SRGAP2B: variants seen among roughly 807,000 people sequenced by gnomAD.
SRGAP2B encodes SLIT-ROBO Rho GTPase-activating protein 2B.
A neutral mutation model predicts 22.2 loss-of-function variants in SRGAP2B; 9 were observed. The observed-to-expected ratio is 0.41, with a 90% CI of 0.24 to 0.71. The LOEUF (loss-of-function observed/expected upper bound fraction) is 0.71. SRGAP2B is among the 30% of genes least tolerant of loss of function. The probability of loss-of-function intolerance (pLI) is 0.35; values close to 1 mark genes in which losing one functional copy is unlikely to be tolerated. For synonymous variants in SRGAP2B, 36 were observed against 87.4 expected, an observed-to-expected ratio of 0.41 and a Z score of 3.28; for missense variants, 114 against 235.8, an observed-to-expected ratio of 0.48 and a Z score of 3.38.
intron 5 of SRGAP2B, among the ~76,000 whole-genome samples, chr1:144,914,219 C>T (rs1245441529): frequency 6.6e-6 from 1 of 151,662 alleles, no homozygotes; most frequent in African/African-American, 2.4e-5. Flanking sequence ...TTACTGGGGG[C>T]ATTTAGGACT....
exon 10 of SRGAP2B, chr1:144,891,719 T>A (rs1188812668): frequency 1.3e-5 from 1 of 78,568 alleles, no homozygotes; most frequent in Non-Finnish European, 2.4e-5. Context: ...GTTTTAGCAA[T>A]AATTAGAAAA....
intron 2 of SRGAP2B, among the ~76,000 whole-genome samples, chr1:145,020,452 AG>A (rs1408231049): frequency 2.8e-5 from 4 of 144,552 alleles, no homozygotes; most frequent in African/African-American, 1.0e-4. Flanking sequence ...AAAAAAAAAA[AG>A]GTAGAAGAAG....
intron 2 of SRGAP2B, among the ~76,000 whole-genome samples, chr1:145,030,721 A>AAAAAAT (rs1553625890): frequency 6.9e-5 from 1 of 14,494 alleles, no homozygotes; most frequent in Non-Finnish European, 1.1e-4. Context: ...AAAAAAAAAA[A>AAAAAAT]ATATATATAT....
In SRGAP2B at chr1:145,012,102, C is replaced by T. The variant is rs1268274224; in HGVS notation, c.68-16902G>A. Among the ~76,000 whole-genome samples, 9 of 149,796 alleles carry T rather than the reference C, an allele frequency of 6.0e-5. No individual in the cohort carries two copies. In the East Asian group the frequency reaches 9.8e-4, roughly 16 times the overall value. On this transcript the variant is annotated intron_variant, in intron 2 of 9. Transcript: ENST00000612199. ...GTGACCACTCCATCTGAAAGTGCCCCGACACTCTCTATGCTCTTACCTCAT... is the reference window on the plus strand; with the variant it reads ...GTGACCACTCCATCTGAAAGTGCCCTGACACTCTCTATGCTCTTACCTCAT...
rs1235759158 is a variant in SRGAP2B, at chr1:144,904,199, G to A, written c.831+892C>T. Among the ~76,000 whole-genome samples the A allele has an allele frequency of 1.9e-4, 29 of 150,324 alleles. 1 individual carries two copies. Among genetic ancestry groups the A allele is most frequent in the Admixed American group, 8.6e-4 (13 of 15,116 alleles). On this transcript the variant is annotated intron_variant, in intron 7 of 9. Transcript: ENST00000612199. ...GCATAACCTTGGACAAGTGAGTCTC[G>A]TAGTCCTCTGGACCTTGAGCTTCCT...
chr1:144,966,636 T>G (rs1400991155), intron 3 of SRGAP2B, among the ~76,000 whole-genome samples: 2 of 146,350 alleles, frequency 1.4e-5, no homozygotes, highest in Non-Finnish European at 2.9e-5. Flanking sequence ...AATTCACACA[T>G]AACAATATTA....
chr1:144,959,341 TA>T (rs1419600414), intron 3 of SRGAP2B, among the ~76,000 whole-genome samples: 2 of 146,848 alleles, frequency 1.4e-5, no homozygotes, highest in African/African-American at 5.2e-5. Flanking sequence ...AAAACAAAAA[TA>T]TCTTCTTTTT....
intron 7 of SRGAP2B, among the ~76,000 whole-genome samples, 177 bp downstream of exon 7, chr1:144,904,914 A>G (rs1275460335): frequency 1.0e-4 from 11 of 107,770 alleles, no homozygotes; most frequent in Admixed American, 8.9e-4. Flanking sequence ...TTAGGATTGA[A>G]TAAGTGTGAA....
rs78807572 is a variant in SRGAP2B, at chr1:145,019,893, G to C, written c.68-24693C>G. On this transcript the variant is annotated intron_variant, in intron 2 of 9. Coordinates refer to ENST00000612199, the Ensembl canonical transcript of SRGAP2B. ...GTCCTTTTCCGCCTCATTCCCACCAGAGCACTCTGCTTCAGCCACAGTGGC... is the reference window on the plus strand; with the variant it reads ...GTCCTTTTCCGCCTCATTCCCACCACAGCACTCTGCTTCAGCCACAGTGGC... Among the ~76,000 whole-genome samples the C allele has an allele frequency of 2.4e-3, 368 of 150,796 alleles. 6 individuals are homozygous for C. Among genetic ancestry groups the C allele is most frequent in the Non-Finnish European group, 3.9e-3 (264 of 67,976 alleles).
chr1:144,925,088 C>T (rs1483944136), intron 4 of SRGAP2B, among the ~76,000 whole-genome samples: 2 of 148,814 alleles, frequency 1.3e-5, no homozygotes, highest in South Asian at 2.1e-4. Flanking sequence ...CTGCAACCTC[C>T]GCCTCCTGGG....
intron 4 of SRGAP2B, among the ~76,000 whole-genome samples, chr1:144,934,404 A>C (rs1665467623): frequency 8.3e-6 from 1 of 119,872 alleles, no homozygotes; most frequent in African/African-American, 3.9e-5. Context: ...ACTCCATCTC[A>C]AAAAAAAAAA....
chr1:145,064,841 T>C (rs1553632070), intron 2 of SRGAP2B, among the ~76,000 whole-genome samples: 1 of 146,802 alleles, frequency 6.8e-6, no homozygotes, highest in African/African-American at 2.6e-5. Flanking sequence ...CCAAACTGGG[T>C]GGCTAAATAG....
chr1:145,015,103 G>C (rs1187363484), intron 2 of SRGAP2B, among the ~76,000 whole-genome samples: 1 of 144,162 alleles, frequency 6.9e-6, no homozygotes, highest in Non-Finnish European at 1.5e-5. Flanking sequence ...TTGAGACAGA[G>C]TCTCACTTGG....
At chr1:144,969,992 A>G (rs1553612950) in intron 3 of SRGAP2B, among the ~76,000 whole-genome samples, 1 of 150,468 alleles carries the variant, frequency 6.6e-6, no homozygotes, top group East Asian at 1.9e-4. Flanking sequence ...AAAAGTCAGG[A>G]AACAACAGGT....
chr1:144,924,715 G>T (rs1482306252), intron 4 of SRGAP2B, among the ~76,000 whole-genome samples: 1 of 143,566 alleles, frequency 7.0e-6, no homozygotes, highest in Non-Finnish European at 1.5e-5. Context: ...CTCGGTGACA[G>T]AGCGAAACTC....
chr1:144,956,974 G>A (rs1450003758), intron 3 of SRGAP2B, among the ~76,000 whole-genome samples: 3 of 150,678 alleles, frequency 2.0e-5, no homozygotes, highest in South Asian at 2.1e-4. Context: ...ACCTGATGAG[G>A]TGGGTGTTAT....
intron 5 of SRGAP2B, among the ~76,000 whole-genome samples, chr1:144,912,078 G>C (rs1663465219): frequency 1.4e-5 from 2 of 147,988 alleles, no homozygotes; most frequent in African/African-American, 5.2e-5. Flanking sequence ...AGCCTCCCCA[G>C]TAGCTGGGAC....
chr1:144,915,552 C>A (rs1663808937), intron 4 of SRGAP2B, among the ~76,000 whole-genome samples: 1 of 149,918 alleles, frequency 6.7e-6, no homozygotes, highest in Non-Finnish European at 1.5e-5. Flanking sequence ...ATAGTGAAAC[C>A]CCATCTCTAC....
intron 4 of SRGAP2B, among the ~76,000 whole-genome samples, chr1:144,921,028 C>CT (rs1394506261): frequency 1.3e-5 from 2 of 149,266 alleles, no homozygotes; most frequent in African/African-American, 5.1e-5. Context: ...GTGTCAGGCA[C>CT]TTGTGGTCTG....
Sources: allele counts gnomAD v4.1 joint callset (sites outside exome capture counted in the v4.1 genomes callset), GRCh38; gene constraint gnomAD v4.1.1; transcripts MANE v1.5; gene names NCBI Gene and HGNC (gene_info 2026-07-23, HGNC 2026-07-21).